Variants in NEGR1 observed in about 807,000 individuals in gnomAD.
The protein encoded by NEGR1 is neuronal growth regulator 1.
NEGR1 carries 10 observed loss-of-function variants against 40.9 expected under a neutral mutation model. The observed-to-expected ratio is 0.24, with a 90% confidence interval of 0.15 to 0.42. NEGR1 has a LOEUF of 0.42. Ranked by LOEUF, NEGR1 falls within the 10% of genes least tolerant of loss-of-function variation. The pLI is 1.00. For synonymous variants in NEGR1, 185 were observed against 166.8 expected (o/e 1.11, Z -0.84); for missense variants, 352 against 438.9 (o/e 0.80, Z 1.77).
intron 2 of NEGR1, among the ~76,000 whole-genome samples, chr1:71,932,093 C>T (rs1357044343): frequency 1.3e-5 from 2 of 152,036 alleles, no homozygotes; most frequent in Non-Finnish European, 2.9e-5. Flanking sequence ...ATAGGTTGCT[C>T]AGCTCCATTG....
intron 1 of NEGR1, among the ~76,000 whole-genome samples, chr1:71,942,674 T>C (rs1645977315): frequency 7.3e-6 from 1 of 136,718 alleles, no homozygotes. Flanking sequence ...GCTAATTTTT[T>C]TGTATTTTTA....
intron 2 of NEGR1, among the ~76,000 whole-genome samples, chr1:71,794,999 A>G (rs1438634885): frequency 1.3e-5 from 2 of 152,116 alleles, no homozygotes; most frequent in African/African-American, 2.4e-5. Context: ...CAAGAAGTGC[A>G]CCTTCACTTT....
intron 6 of NEGR1, among the ~76,000 whole-genome samples, chr1:71,428,214 ACCAACGGCAGTGCCAGCTCTGGGTGCTTG>A (rs1646442010): frequency 6.6e-6 from 1 of 152,222 alleles, no homozygotes; most frequent in South Asian, 2.1e-4. Flanking sequence ...AGCAGAAGGT[ACCAACGGCAGTGCCAGCTCTGGGTGCTTG>A]CCTTCTGGCT....
chr1:72,162,288 C>A (rs1466843571), intron 1 of NEGR1, among the ~76,000 whole-genome samples: 1 of 25,156 alleles, frequency 4.0e-5, no homozygotes, highest in Non-Finnish European at 4.7e-4. Context: ...CCTGCCTCTA[C>A]TAAAAAAAAA....
chr1:71,652,612 G>A (rs983930793), intron 4 of NEGR1, among the ~76,000 whole-genome samples: 3 of 152,048 alleles, frequency 2.0e-5, no homozygotes, highest in Non-Finnish European at 4.4e-5. Context: ...TGGCTCACGC[G>A]TATAGCACTT....
rs1176159891 is a variant in NEGR1, at chr1:71,978,978, G to A, written c.177-43667C>T. ...CTAAATGTCCATCAATGCTAGACTG[G>A]ATAAAGAAAATATGGTACATATACA... is the stretch of plus-strand genomic sequence containing the variant. On this transcript the variant is annotated intron_variant, in intron 1 of 6. Coordinates refer to ENST00000357731, the MANE Select transcript of NEGR1 (RefSeq NM_173808.3). Among the ~76,000 whole-genome samples, 3 of 151,904 alleles carry A rather than the reference G, an allele frequency of 2.0e-5. No individual in the cohort carries two copies. In the East Asian group the frequency reaches 5.8e-4, roughly 29 times the overall value.
intron 6 of NEGR1, among the ~76,000 whole-genome samples, chr1:71,492,167 T>G (rs1486637609): frequency 2.6e-5 from 4 of 152,088 alleles, no homozygotes; most frequent in African/African-American, 9.7e-5. Context: ...TTATATCATA[T>G]TAGAGCAGTA....
At chr1:72,237,718 C>T (rs936923267) in intron 1 of NEGR1, among the ~76,000 whole-genome samples, 1 of 151,884 alleles carries the variant, frequency 6.6e-6, no homozygotes, top group African/African-American at 2.4e-5. Context: ...CTGTGATTTT[C>T]TTTTATTAGA....
chr1:71,663,508 A>C (rs1422530982), intron 4 of NEGR1, among the ~76,000 whole-genome samples: 2 of 152,180 alleles, frequency 1.3e-5, no homozygotes, highest in Non-Finnish European at 2.9e-5. Context: ...CTATGTCATA[A>C]AACCCTTACT....
chr1:72,051,022 C>T (rs1647055115), intron 1 of NEGR1, among the ~76,000 whole-genome samples: 1 of 151,474 alleles, frequency 6.6e-6, no homozygotes, highest in South Asian at 2.1e-4. Context: ...ATAAGCTAAA[C>T]TTCGACCCCA....
At chr1:71,519,855 G>A (rs1460769106) in intron 6 of NEGR1, among the ~76,000 whole-genome samples, 1 of 151,914 alleles carries the variant, frequency 6.6e-6, no homozygotes, top group Non-Finnish European at 1.5e-5. Flanking sequence ...AGATGTGTAG[G>A]AATACATTTT....
chr1:71,497,558 G>T (rs1353318038), intron 6 of NEGR1, among the ~76,000 whole-genome samples: 1 of 151,910 alleles, frequency 6.6e-6, no homozygotes, highest in Non-Finnish European at 1.5e-5. Context: ...TCCCAGGATA[G>T]AATTGGTATG....
chr1:71,593,876 CTT>C (rs766896362), intron 5 of NEGR1, among the ~76,000 whole-genome samples: 17 of 152,128 alleles, frequency 1.1e-4, no homozygotes, highest in Non-Finnish European at 1.2e-4. Flanking sequence ...TTAAAGGACT[CTT>C]ATATCTCTCT....
At chr1:71,947,789 T>A (rs1220494053) in intron 1 of NEGR1, among the ~76,000 whole-genome samples, 2 of 148,736 alleles carry the variant, frequency 1.3e-5, no homozygotes, top group African/African-American at 5.0e-5. Context: ...AAAAAAAAAA[T>A]ATGGAAATTA....
intron 1 of NEGR1, among the ~76,000 whole-genome samples, chr1:72,193,654 A>G (rs890696679): frequency 8.9e-6 from 1 of 112,172 alleles, no homozygotes; most frequent in Non-Finnish European, 2.0e-5. Context: ...TAAGAAATAT[A>G]TATATTTTTC....
chr1:71,845,923 CTTTTTT>C lies in NEGR1; in HGVS notation c.410-69632_410-69627del, dbSNP rs368324879. On this transcript the variant is annotated intron_variant, in intron 2 of 6. Transcript: ENST00000357731. ...TACAAGGGCATGCCACGGCACCTGG[CTTTTTT>C]TTTTTTTTTTTTTTTAAGAGATGAG... Among the ~76,000 whole-genome samples the C allele has an allele frequency of 8.1e-5, 9 of 110,700 alleles. No homozygotes were observed. In the East Asian group the frequency reaches 1.6e-3, roughly 20 times the overall value. 72.6% of individuals were successfully genotyped at this position (110,700 alleles called of 152,430 possible).
intron 1 of NEGR1, among the ~76,000 whole-genome samples, chr1:72,257,952 T>C (rs1655329380): frequency 6.6e-6 from 1 of 152,206 alleles, no homozygotes; most frequent in African/African-American, 2.4e-5. Flanking sequence ...ATTTTAGTCA[T>C]TGTTTTATGG....
chr1:71,754,559 T>C (rs1249104819), intron 3 of NEGR1, among the ~76,000 whole-genome samples: 1 of 152,092 alleles, frequency 6.6e-6, no homozygotes, highest in African/African-American at 2.4e-5. Flanking sequence ...TAGAATAGCA[T>C]CCCTATCTGG....
chr1:71,711,498 A>AAG (rs1249380207), intron 3 of NEGR1, among the ~76,000 whole-genome samples: 1 of 150,340 alleles, frequency 6.7e-6, no homozygotes, highest in Non-Finnish European at 1.5e-5. Context: ...AAAAAAAAAA[A>AAG]GATTAGTGCT....
Sources: gnomAD v4.1 joint callset for allele counts (sites outside exome capture counted in the v4.1 genomes callset) on GRCh38, gnomAD v4.1.1 for gene constraint, MANE v1.5 for transcripts, NCBI Gene and HGNC (gene_info 2026-07-23, HGNC 2026-07-21) for gene names.